Variants in BLNK observed in about 807,000 individuals in gnomAD.
BLNK encodes B cell linker, also known as B-cell linker protein.
A neutral mutation model predicts 73.5 loss-of-function variants in BLNK; 29 were observed. The ratio of observed to expected loss-of-function variants is 0.39; its 90% CI spans 0.29 to 0.54. The LOEUF is 0.54. Among genes scored for constraint, BLNK ranks in the 20% least tolerant of loss-of-function variants. BLNK has a pLI of 0.61. For missense variants in BLNK, 460 were observed against 562.8 expected (o/e 0.82, Z 1.85); for synonymous variants, 176 against 200.8 (o/e 0.88, Z 1.04).
chr10:96,226,284 T>C (rs587772572), intron 5 of BLNK, among the ~76,000 whole-genome samples: 38 of 152,354 alleles, frequency 2.5e-4, no homozygotes, highest in Middle Eastern at 3.4e-3. Flanking sequence ...GTGCTTAGCA[T>C]AGTTCTGGTG....
chr10:96,215,359 T>G lies in BLNK; in HGVS notation c.638A>C (p.Asn213Thr). The change falls in exon 8 of 17, where the codon AAT (asparagine) becomes ACT (threonine). Residue 213 changes from asparagine (N) to threonine (T), a missense_variant. Around this residue, in one of 3 missense-constraint regions of BLNK, gnomAD observed 233 missense variants for 232.1 expected, o/e 1.00. Coordinates refer to ENST00000224337, the MANE Select transcript of BLNK (RefSeq NM_013314.4). ...TGGAGGAGAGGCGGGCGTTGAGGAA[T>G]TTGGCTTGGTTGATCTATTCACCAT... Reference protein sequence around the residue: ...APMVNRSTKPNSSTPASPPGT... With the variant: ...APMVNRSTKPTSSTPASPPGT... 6.2e-7 allele frequency: 1 copy of G among 1,614,010 alleles called. No individual in the cohort carries two copies. Among genetic ancestry groups the G allele is most frequent in the South Asian group, 1.1e-5 (1 of 91,066 alleles).
chr10:96,197,093 A>T (rs782018939), intron 15 of BLNK, 30 bp from the exon 16 acceptor site: 5 of 1,565,150 alleles, frequency 3.2e-6, no homozygotes, highest in South Asian at 1.1e-5. Flanking sequence ...AAACATAATT[A>T]TGGTTAGTAT....
At chr10:96,242,658 C>T in intron 3 of BLNK, 77 bp downstream of exon 3, 1 of 1,350,290 alleles carries the variant, frequency 7.4e-7, no homozygotes, top group Non-Finnish European at 1.1e-6. Flanking sequence ...AGCGTATTTC[C>T]CTTTCCATAA....
chr10:96,253,936 G>A (rs1843398760), intron 1 of BLNK, among the ~76,000 whole-genome samples: 1 of 152,106 alleles, frequency 6.6e-6, no homozygotes, highest in African/African-American at 2.4e-5. Flanking sequence ...CAGGAGAATG[G>A]CATGGACCCA....
intron 6 of BLNK, among the ~76,000 whole-genome samples, chr10:96,221,900 T>C (rs2084204630): frequency 6.6e-6 from 1 of 152,064 alleles, no homozygotes; most frequent in Non-Finnish European, 1.5e-5. Context: ...GTATGCATTG[T>C]GGGAGCTATG....
intron 16 of BLNK, among the ~76,000 whole-genome samples, chr10:96,193,121 C>G (rs1392961586): frequency 1.3e-5 from 2 of 152,158 alleles, no homozygotes; most frequent in African/African-American, 4.8e-5. Flanking sequence ...AATATTCAGT[C>G]AGGGAGAGAG....
chr10:96,199,545 G>A (rs1554895551), intron 15 of BLNK: 1 of 459,442 alleles, frequency 2.2e-6, no homozygotes, highest in Admixed American at 2.3e-5. Flanking sequence ...TTGAGGAGAT[G>A]AAAGGACAAG....
chr10:96,239,162 T>C (rs1160072071), intron 3 of BLNK: 1 of 398,532 alleles, frequency 2.5e-6, no homozygotes, highest in African/African-American at 2.1e-5. Context: ...AGGGAGCAGG[T>C]GTCTGAGGAC....
intron 11 of BLNK, among the ~76,000 whole-genome samples, chr10:96,205,556 A>G (rs1302612209): frequency 1.3e-5 from 2 of 152,228 alleles, no homozygotes; most frequent in African/African-American, 4.8e-5. Flanking sequence ...CCTCTATGTT[A>G]GATGTTTTGC....
chr10:96,264,798 T>G (rs1277176022), intron 1 of BLNK, among the ~76,000 whole-genome samples: 4 of 152,156 alleles, frequency 2.6e-5, no homozygotes, highest in Non-Finnish European at 1.5e-5. Flanking sequence ...TCTTGGACAC[T>G]GCCACAGAAT....
At chr10:96,245,569 A>G (rs1282325341) in intron 2 of BLNK, among the ~76,000 whole-genome samples, 2 of 152,212 alleles carry the variant, frequency 1.3e-5, no homozygotes, top group Admixed American at 6.5e-5. Context: ...GGCCACCAAT[A>G]TATAGCTAGT....
At chr10:96,240,099 C>T (rs1381460481) in intron 3 of BLNK, among the ~76,000 whole-genome samples, 1 of 152,330 alleles carries the variant, frequency 6.6e-6, no homozygotes, top group East Asian at 1.9e-4. Flanking sequence ...CCCACCATTG[C>T]ACTCTTCCAT....
intron 1 of BLNK, among the ~76,000 whole-genome samples, chr10:96,260,717 C>T (rs560029795): frequency 1.5e-4 from 23 of 152,236 alleles, no homozygotes; most frequent in Non-Finnish European, 1.8e-4. Context: ...TTCTTCTTAG[C>T]TCTGAGAAAA....
At chr10:96,243,409 T>C (rs917953189) in intron 2 of BLNK, among the ~76,000 whole-genome samples, 1 of 152,094 alleles carries the variant, frequency 6.6e-6, no homozygotes, top group African/African-American at 2.4e-5. Context: ...GAGCCAGCCA[T>C]GGTGGCATGC....
chr10:96,191,738 G>C lies in BLNK; in HGVS notation c.*235C>G, dbSNP rs2083332811. 1 of 431,016 alleles carries C rather than the reference G, an allele frequency of 2.3e-6. No individual in the cohort carries two copies. Among genetic ancestry groups the C allele is most frequent in the South Asian group, 3.2e-5 (1 of 31,332 alleles). The allele number at this position is 431,016 out of a possible 1,614,324, so 26.7% of individuals were successfully genotyped here. A position where few individuals can be genotyped will look rare whatever the true frequency, so the allele number is the denominator to read the frequency against. ...AAAAATATTTATTTGGAAAATATTAGTAGCATGATAACTCAACCTCACCAG... is the reference window on the plus strand; with the variant it reads ...AAAAATATTTATTTGGAAAATATTACTAGCATGATAACTCAACCTCACCAG... On this transcript the variant is annotated 3_prime_UTR_variant, in exon 17 of 17. Transcript: ENST00000224337.
intron 8 of BLNK, among the ~76,000 whole-genome samples, chr10:96,214,556 A>G (rs73322913): frequency 0.076 from 11,594 of 152,072 alleles, 914 homozygotes; most frequent in African/African-American, 0.2. Context: ...ATTCAGGAGA[A>G]AAAAAAGCAG....
chr10:96,219,436 G>A (rs1294492243), intron 6 of BLNK, among the ~76,000 whole-genome samples: 1 of 152,172 alleles, frequency 6.6e-6, no homozygotes, highest in Admixed American at 6.5e-5. Context: ...GCCCCCAGGA[G>A]GCATGCCACC....
chr10:96,242,811 G>C (rs1554906595), intron 2 of BLNK, 27 bp from the exon 3 acceptor site: 5 of 1,598,620 alleles, frequency 3.1e-6, no homozygotes, highest in African/African-American at 1.3e-5. Flanking sequence ...TGAGACAAAA[G>C]GTCAGTGAGC....
chr10:96,194,360 T>C (rs1272694735), intron 16 of BLNK, among the ~76,000 whole-genome samples: 1 of 152,214 alleles, frequency 6.6e-6, no homozygotes, highest in African/African-American at 2.4e-5. Flanking sequence ...TCTGAGACTT[T>C]GTTAAAAGCA....
Sources: allele counts gnomAD v4.1 joint callset (sites outside exome capture counted in the v4.1 genomes callset), GRCh38; gene constraint gnomAD v4.1.1; regional missense constraint gnomAD v4.1.1; transcripts MANE v1.5; gene names NCBI Gene and HGNC (gene_info 2026-07-23, HGNC 2026-07-21).